Variants in RIC1 observed in about 807,000 individuals in gnomAD.
RIC1 encodes the protein RIC1 partner of RAB6A GEF complex, also known as guanine nucleotide exchange factor subunit RIC1.
A neutral mutation model predicts 169.0 loss-of-function variants in RIC1; 88 were observed. The ratio of observed to expected loss-of-function variants is 0.52; its 90% CI spans 0.44 to 0.62. RIC1 has a LOEUF of 0.62. Among genes scored for constraint, RIC1 ranks in the 20% least tolerant of loss-of-function variants. The probability of loss-of-function intolerance (pLI) is 0.00; values close to 1 mark genes in which losing one functional copy is unlikely to be tolerated. For missense variants in RIC1, 1,877 were observed against 1,725.5 expected (o/e 1.09, Z -1.56); for synonymous variants, 790 against 601.5 (o/e 1.31, Z -4.59).
intron 3 of RIC1, among the ~76,000 whole-genome samples, chr9:5,712,013 G>A (rs1822960122): frequency 6.6e-6 from 1 of 152,142 alleles, no homozygotes; most frequent in Admixed American, 6.5e-5. Flanking sequence ...CTTTGCTATT[G>A]TGAGTAGTGC....
intron 2 of RIC1, among the ~76,000 whole-genome samples, chr9:5,666,057 C>T (rs1357772835): frequency 6.6e-6 from 1 of 152,170 alleles, no homozygotes; most frequent in African/African-American, 2.4e-5. Context: ...GTGTGGCAGC[C>T]TACCCCACCA....
chr9:5,649,550 C>T (rs531074527), intron 1 of RIC1, among the ~76,000 whole-genome samples: 9 of 152,074 alleles, frequency 5.9e-5, no homozygotes, highest in African/African-American at 2.2e-4. Context: ...TGATATCTAT[C>T]TTTTTGGTGA....
intron 3 of RIC1, among the ~76,000 whole-genome samples, chr9:5,699,787 A>T (rs560031090): frequency 9.2e-5 from 14 of 152,310 alleles, no homozygotes; most frequent in African/African-American, 3.4e-4. Flanking sequence ...AAATTATATT[A>T]TTGGATTTCA....
At chr9:5,748,824 T>C (rs1160061368) in intron 12 of RIC1, 1 of 152,416 alleles carries the variant, frequency 6.6e-6, no homozygotes, top group Non-Finnish European at 1.5e-5. Flanking sequence ...GTACCCCATA[T>C]AAGAGAAACA....
At chr9:5,756,733 C>G (rs1826038406) in intron 16 of RIC1, among the ~76,000 whole-genome samples, 1 of 152,128 alleles carries the variant, frequency 6.6e-6, no homozygotes, top group African/African-American at 2.4e-5. Context: ...AACTTTAAGA[C>G]TGTAGGAAGC....
At chr9:5,704,124 G>GATTAATGA (rs1186347772) in intron 3 of RIC1, among the ~76,000 whole-genome samples, 2 of 151,590 alleles carry the variant, frequency 1.3e-5, no homozygotes, top group East Asian at 3.9e-4. Context: ...TTTCCCTAAT[G>GATTAATGA]ATTAATGACA....
chr9:5,663,645 C>A (rs922390625), intron 2 of RIC1, among the ~76,000 whole-genome samples: 1 of 152,078 alleles, frequency 6.6e-6, no homozygotes. Flanking sequence ...GTGGTTCTTT[C>A]TGTTTTCCAT....
At chr9:5,675,362 GAAGTT>G (rs1178596916) in intron 2 of RIC1, among the ~76,000 whole-genome samples, 1 of 152,078 alleles carries the variant, frequency 6.6e-6, no homozygotes, top group East Asian at 1.9e-4. Context: ...GCTTTATGAG[GAAGTT>G]AAGTTTAAAA....
At chr9:5,682,508 G>A (rs962003046) in intron 2 of RIC1, among the ~76,000 whole-genome samples, 28 of 152,084 alleles carry the variant, frequency 1.8e-4, no homozygotes, top group Admixed American at 9.8e-4. Flanking sequence ...CTGGCTTGTC[G>A]AGTTTCTGCC....
At chr9:5,656,732 C>A (rs1477385240) in intron 2 of RIC1, 42 bp downstream of exon 2, 2 of 1,060,014 alleles carry the variant, frequency 1.9e-6, no homozygotes, top group South Asian at 1.4e-5. Context: ...CTTATGAAAT[C>A]ATTACATCGC....
rs376992942 is a variant in RIC1, at chr9:5,679,253, T to C, written c.253-10706T>C. 3.3e-5 allele frequency among the ~76,000 whole-genome samples: 5 copies of C among 152,336 alleles called. No homozygotes were observed. The South Asian group carries it at 1.0e-3, about 32-fold the overall frequency. ...TTTTGGTTACTATAGCCTTATAGTA[T>C]AGTTTGAAGTCAGGTAGTGTGATGC... On this transcript the variant is annotated intron_variant, in intron 2 of 25. Coordinates refer to ENST00000414202, the MANE Select transcript of RIC1 (RefSeq NM_020829.4).
At chr9:5,670,975 C>T (rs1336133357) in intron 2 of RIC1, among the ~76,000 whole-genome samples, 2 of 152,070 alleles carry the variant, frequency 1.3e-5, no homozygotes, top group Admixed American at 6.6e-5. Context: ...GGTGGGTCCA[C>T]GTGGAGCCCT....
intron 3 of RIC1, among the ~76,000 whole-genome samples, chr9:5,705,555 A>T (rs1289018351): frequency 1.3e-5 from 2 of 152,106 alleles, no homozygotes; most frequent in Non-Finnish European, 2.9e-5. Flanking sequence ...AATTTTCTAT[A>T]TATACTATAC....
intron 7 of RIC1, among the ~76,000 whole-genome samples, chr9:5,735,588 G>GTT (rs1236703705): frequency 6.6e-6 from 1 of 152,200 alleles, no homozygotes; most frequent in African/African-American, 2.4e-5. Flanking sequence ...TAGGGTTAAA[G>GTT]TTTTGTGATT....
intron 12 of RIC1, among the ~76,000 whole-genome samples, chr9:5,752,330 A>G (rs1477153543): frequency 1.3e-5 from 2 of 152,234 alleles, no homozygotes; most frequent in East Asian, 3.9e-4. Context: ...TTTCATGTAC[A>G]TATATATATG....
At chr9:5,697,270 C>A (rs1297286544) in intron 3 of RIC1, among the ~76,000 whole-genome samples, 1 of 152,196 alleles carries the variant, frequency 6.6e-6, no homozygotes, top group Non-Finnish European at 1.5e-5. Flanking sequence ...GTTTCTCTCA[C>A]TCTACATGAT....
chr9:5,687,226 G>T (rs181885651), intron 2 of RIC1, among the ~76,000 whole-genome samples: 2 of 151,800 alleles, frequency 1.3e-5, no homozygotes, highest in Non-Finnish European at 2.9e-5. Context: ...TGCCTGATCA[G>T]TGTGACCAGA....
chr9:5,635,868 A>G (rs754568668), intron 1 of RIC1, among the ~76,000 whole-genome samples: 1 of 152,164 alleles, frequency 6.6e-6, no homozygotes, highest in Non-Finnish European at 1.5e-5. Context: ...CATGATTGTA[A>G]GTTTCCTGAG....
intron 6 of RIC1, among the ~76,000 whole-genome samples, chr9:5,728,400 T>G (rs1407767583): frequency 3.9e-5 from 6 of 152,208 alleles, no homozygotes; most frequent in Non-Finnish European, 8.8e-5. Context: ...AAAAGCGCAG[T>G]ATTAGGGTGG....
Sources: allele counts gnomAD v4.1 joint callset (sites outside exome capture counted in the v4.1 genomes callset), GRCh38; gene constraint gnomAD v4.1.1; transcripts MANE v1.5; gene names NCBI Gene and HGNC (gene_info 2026-07-23, HGNC 2026-07-21).